CCT6A: variants seen among roughly 807,000 people sequenced by gnomAD.
CCT6A encodes the protein chaperonin containing TCP1 subunit 6A.
In CCT6A, 6 loss-of-function variants were observed where a neutral mutation model predicts 58.6. The observed-to-expected ratio is 0.10, with a 90% CI of 0.06 to 0.20. The LOEUF (loss-of-function observed/expected upper bound fraction) is 0.20, where lower values mean the gene tolerates loss of function less well. CCT6A is among the 10% of genes least tolerant of loss of function. The pLI is 1.00. For synonymous variants in CCT6A, 245 were observed against 227.8 expected (o/e 1.08, Z -0.68); for missense variants, 516 against 648.8 (o/e 0.80, Z 2.22).
Position 56,058,637 on chromosome 7 carries a change from C to T in CCT6A, c.903C>T (p.Ser301=). The stretch of plus-strand genomic sequence containing the variant: ...TGTTACAGGGAATTGACCCCTTTTC[C>T]TTAGATGCTCTTTCAAAAGAAGGCA... ...VINQKGIDPF[S]LDALSKEGIV... Residue 301 remains serine, a synonymous_variant, in exon 8 of 14, where the codon TCC becomes TCT. Transcript: ENST00000275603. 2 of 1,606,348 alleles carry T rather than the reference C, an allele frequency of 1.2e-6. No homozygotes were observed. Among genetic ancestry groups the T allele is most frequent in the African/African-American group, 1.3e-5 (1 of 74,868 alleles).
chr7:56,062,907 G>A, intron 13 of CCT6A, 106 bp from the exon 14 acceptor site: 7 of 1,156,290 alleles, frequency 6.1e-6, no homozygotes, highest in Non-Finnish European at 9.2e-6. Flanking sequence ...AGGGGAAGGG[G>A]GAAATTTAAT....
chr7:56,057,880 C>CAAAAAAAAAAA, intron 5 of CCT6A, 113 bp from the exon 6 acceptor site: 1 of 675,844 alleles, frequency 1.5e-6, no homozygotes, highest in South Asian at 1.8e-5. Context: ...GACTTCATCT[C>CAAAAAAAAAAA]AAAAAAGAAA....
At position 56,052,061 on chromosome 7, in the gene CCT6A, C is replaced by T. The variant is rs373223984; in HGVS notation, c.137+76C>T. On this transcript the variant is annotated intron_variant, in intron 1 of 13. Transcript: ENST00000275603. The stretch of plus-strand genomic sequence containing the variant: ...CTCCTGGCGGGCCCGGGACCGCGGA[C>T]TGGAGCCCGCCGCCTCGGGGCTGCG... The T allele has an allele frequency of 5.3e-5, 65 of 1,226,688 alleles. No individual in the cohort carries two copies. The East Asian group carries it at 1.6e-3, about 30-fold the overall frequency. 76.0% of individuals were successfully genotyped at this position (1,226,688 alleles called of 1,614,324 possible).
Position 56,055,735 on chromosome 7 carries a change from G to T in CCT6A, c.448G>T (p.Asp150Tyr). The change falls in exon 4 of 14, where the codon GAT becomes TAT. Residue 150 changes from aspartate (D) to tyrosine (Y), a missense_variant. By Grantham distance (160) the Asp-to-Tyr change is radical. This residue lies in a region of CCT6A where 85 missense variants were observed against 74.9 expected (regional missense o/e 1.13). Coordinates refer to ENST00000275603, the MANE Select transcript of CCT6A (RefSeq NM_001762.4). ...AGAGATGGACAGGGAAACACTTATA[G>T]ATGTGGCCAGAACATCTCTTCGTAC... ...SREMDRETLI[D>Y]VARTSLRTKV... is the part of the protein sequence containing the mutation. 2 of 1,613,854 alleles carry T rather than the reference G, an allele frequency of 1.2e-6. No homozygotes were observed. The highest frequency in any genetic ancestry group is 1.7e-6 in the Non-Finnish European group (2 of 1,179,758).
At chr7:56,060,065 T>A (rs1562851326) in intron 9 of CCT6A, 1 of 562,156 alleles carries the variant, frequency 1.8e-6, no homozygotes, top group Non-Finnish European at 3.2e-6. Flanking sequence ...ATATACATTT[T>A]GAAGGTTTAT....
At chr7:56,059,912 G>T in intron 9 of CCT6A, 1 of 408,592 alleles carries the variant, frequency 2.4e-6, no homozygotes, top group Non-Finnish European at 4.4e-6. Context: ...GTGTTGCCCA[G>T]GCTGGTCTTA....
chr7:56,058,768 C>G, intron 8 of CCT6A, 66 bp downstream of exon 8: 2 of 1,046,234 alleles, frequency 1.9e-6, no homozygotes, highest in South Asian at 1.4e-5. Context: ...TTTCCTTATA[C>G]TTTATTTTTG....
At chr7:56,056,790 G>C (rs1351152322) in intron 5 of CCT6A, among the ~76,000 whole-genome samples, 2 of 146,054 alleles carry the variant, frequency 1.4e-5, no homozygotes, top group Non-Finnish European at 3.0e-5. Context: ...GTACAATATA[G>C]ATAGTTGGCT....
At chr7:56,061,575 G>C in intron 11 of CCT6A, 172 bp from the exon 12 acceptor site, 1 of 413,406 alleles carries the variant, frequency 2.4e-6, no homozygotes, top group Non-Finnish European at 4.3e-6. Flanking sequence ...TCGAACTCCT[G>C]ACCTCAGGTG....
At chr7:56,052,373 G>C in intron 1 of CCT6A, 49 bp from the exon 2 acceptor site, 2 of 1,539,398 alleles carry the variant, frequency 1.3e-6, no homozygotes, top group Non-Finnish European at 1.8e-6. Context: ...GGGACTTTTA[G>C]TTATCGTTGA....
rs1464255884 is a variant in CCT6A at position 56,060,249 on chromosome 7, C to G, written c.1066-20C>G. ...CTGCACAAATCCTGTTTTTGAAAAT[C>G]ATATTTTTTCTACACATAGGGAGAA... On this transcript the variant is annotated intron_variant, in intron 9 of 13. Transcript: ENST00000275603. 1 of 1,607,868 alleles carries G rather than the reference C, an allele frequency of 6.2e-7. No individual in the cohort carries two copies. The highest frequency in any genetic ancestry group is 8.5e-7 in the Non-Finnish European group (1 of 1,175,102).
intron 11 of CCT6A, 62 bp from the exon 12 acceptor site, chr7:56,061,668 CTTTTTTTTTTTTTTTTT>C (rs71015174): frequency 1.6e-5 from 5 of 312,698 alleles, no homozygotes; most frequent in Non-Finnish European, 2.2e-5. Context: ...TTTCTTTTTT[CTTTTTTTTTTTTTTTTT>C]TTTTTTTTTA....
rs1283062255 is a variant in CCT6A at position 56,059,775 on chromosome 7, T to C, written c.1065+135T>C. On this transcript the variant is annotated intron_variant, in intron 9 of 13. Transcript: ENST00000275603. ...GTGATCACAGTTCACTACAGCCTCA[T>C]CTTCCTGGGTTCAAGTGATCCTCCC... The C allele has an allele frequency of 5.2e-6, 3 of 577,116 alleles. No homozygotes were observed. In the African/African-American group the frequency reaches 5.7e-5, roughly 11 times the overall value. The allele number at this position is 577,116 out of a possible 1,614,324, so 35.7% of individuals were successfully genotyped here. A position where few individuals can be genotyped will look rare whatever the true frequency, so the allele number is the denominator to read the frequency against.
chr7:56,055,403 T>G (rs1056580737), intron 3 of CCT6A: 1 of 637,540 alleles, frequency 1.6e-6, no homozygotes, highest in Non-Finnish European at 2.8e-6. Context: ...ATAGTTCCCT[T>G]GGCTTTGACC....
In CCT6A at chr7:56,059,785, T is replaced by C. The variant is rs935019776; in HGVS notation, c.1065+145T>C. The C allele has an allele frequency of 8.3e-5, 47 of 568,572 alleles. No homozygotes were observed. In the Admixed American group the frequency reaches 1.5e-3, roughly 18 times the overall value. 35.2% of individuals were successfully genotyped at this position (568,572 alleles called of 1,614,324 possible). On this transcript the variant is annotated intron_variant, in intron 9 of 13. Coordinates refer to ENST00000275603, the MANE Select transcript of CCT6A (RefSeq NM_001762.4). Reference sequence around the variant, plus strand: ...TTCACTACAGCCTCATCTTCCTGGGTTCAAGTGATCCTCCCGCCTCAGGCT... The same window carrying C: ...TTCACTACAGCCTCATCTTCCTGGGCTCAAGTGATCCTCCCGCCTCAGGCT...
intron 7 of CCT6A, 29 bp from the exon 8 acceptor site, chr7:56,058,591 G>A: frequency 6.3e-7 from 1 of 1,586,626 alleles, no homozygotes; most frequent in Admixed American, 1.8e-5. Flanking sequence ...GGTGAAAGAT[G>A]TTGAAATTAA....
chr7:56,055,828 T>C (rs1387362688), intron 4 of CCT6A, 31 bp downstream of exon 4: 4 of 1,481,772 alleles, frequency 2.7e-6, no homozygotes, highest in African/African-American at 2.8e-5. Flanking sequence ...ATGTCTGGTA[T>C]AGTATACCTA....
At chr7:56,052,389 T>C (rs368160052) in intron 1 of CCT6A, 33 bp from the exon 2 acceptor site, 42 of 1,600,018 alleles carry the variant, frequency 2.6e-5, no homozygotes, top group Non-Finnish European at 1.0e-5. Context: ...GTTGAAAAAG[T>C]CATAGTCTGG....
rs757397183 is a variant in CCT6A at position 56,060,333 on chromosome 7, A to G, written c.1130A>G (p.Lys377Arg). ...CCTCGTTCTGTCACATTATTGATCA[A>G]AGGACCAAATAAGCACACACTCACT... ...NNPRSVTLLI[K>R]GPNKHTLTQI... Residue 377 changes from lysine (K) to arginine (R), a missense_variant, in exon 10 of 14, where the codon AAA becomes AGA. Lys to Arg is a conservative substitution (Grantham distance 26). Around this residue, in one of 3 missense-constraint regions of CCT6A, gnomAD observed 315 missense variants for 389.4 expected, o/e 0.81. Coordinates refer to ENST00000275603, the MANE Select transcript of CCT6A (RefSeq NM_001762.4). The G allele has an allele frequency of 1.9e-6, 3 of 1,613,992 alleles. No homozygotes were observed. Among genetic ancestry groups the G allele is most frequent in the Non-Finnish European group, 2.5e-6 (3 of 1,179,862 alleles).
Sources: allele counts gnomAD v4.1 joint callset (sites outside exome capture counted in the v4.1 genomes callset), GRCh38; gene constraint gnomAD v4.1.1; regional missense constraint gnomAD v4.1.1; transcripts MANE v1.5; gene names NCBI Gene and HGNC (gene_info 2026-07-23, HGNC 2026-07-21).